Variants in SEZ6L observed in about 807,000 individuals in gnomAD.
SEZ6L encodes the protein seizure 6-like protein.
A neutral mutation model predicts 106.2 loss-of-function variants in SEZ6L; 37 were observed. That is an observed-to-expected ratio of 0.35 (90% CI 0.27 to 0.46). SEZ6L has a LOEUF of 0.46. Ranked by LOEUF, SEZ6L falls within the 20% of genes least tolerant of loss-of-function variation. The pLI is 1.00. For synonymous variants in SEZ6L, 541 were observed against 570.4 expected, an observed-to-expected ratio of 0.95 and a Z score of 0.73; for missense variants, 1,172 against 1,332.8, an observed-to-expected ratio of 0.88 and a Z score of 1.88.
intron 13 of SEZ6L, among the ~76,000 whole-genome samples, chr22:26,367,667 T>C (rs748631514): frequency 9.2e-5 from 14 of 152,108 alleles, no homozygotes; most frequent in Non-Finnish European, 1.9e-4. Flanking sequence ...AGAACCCTGC[T>C]TAATTATTTC....
chr22:26,192,176 G>C lies in SEZ6L; in HGVS notation c.94+22413G>C, dbSNP rs116975950. On this transcript the variant is annotated intron_variant, in intron 1 of 16. Coordinates refer to ENST00000248933, the MANE Select transcript of SEZ6L (RefSeq NM_021115.5). ...CATTTATCAATGCATCCTTTTATCTGTCCACTCATCCACCTGTTGATGAAT... is the reference window on the plus strand; with the variant it reads ...CATTTATCAATGCATCCTTTTATCTCTCCACTCATCCACCTGTTGATGAAT... 5.7e-3 allele frequency among the ~76,000 whole-genome samples: 863 copies of C among 152,016 alleles called. 4 individuals carry two copies. Among genetic ancestry groups the C allele is most frequent in the Non-Finnish European group, 8.4e-3 (570 of 67,974 alleles).
intron 1 of SEZ6L, among the ~76,000 whole-genome samples, chr22:26,199,737 C>T (rs1026444641): frequency 6.6e-6 from 1 of 152,188 alleles, no homozygotes; most frequent in Admixed American, 6.5e-5. Context: ...GTTATACTCT[C>T]AGCAAATGGG....
At position 26,320,749 on chromosome 22, in the gene SEZ6L, A is replaced by G. The variant is rs150809159; in HGVS notation, c.2015+6847A>G. Among the ~76,000 whole-genome samples the G allele has an allele frequency of 1.8e-4, 27 of 152,100 alleles. 1 individual carries two copies. The highest frequency in any genetic ancestry group is 1.6e-3 in the Admixed American group (24 of 15,274). ...GGGAGAAGCTTTCCTGAGAACAGTAAAGTCTAAGTCAGTTTTTCTCAACCA... is the reference window on the plus strand; with the variant it reads ...GGGAGAAGCTTTCCTGAGAACAGTAGAGTCTAAGTCAGTTTTTCTCAACCA... On this transcript the variant is annotated intron_variant, in intron 9 of 16. Coordinates refer to ENST00000248933, the MANE Select transcript of SEZ6L (RefSeq NM_021115.5).
At chr22:26,178,559 A>G (rs1217911232) in intron 1 of SEZ6L, among the ~76,000 whole-genome samples, 1 of 152,122 alleles carries the variant, frequency 6.6e-6, no homozygotes, top group Non-Finnish European at 1.5e-5. Context: ...ACAGTATAGC[A>G]CCTGGGGTCT....
intron 1 of SEZ6L, among the ~76,000 whole-genome samples, chr22:26,246,597 C>T (rs150480795): frequency 2.8e-4 from 43 of 152,066 alleles, no homozygotes; most frequent in African/African-American, 1.0e-3. Flanking sequence ...TTTCCAAGTA[C>T]GAAAGTACAA....
intron 9 of SEZ6L, among the ~76,000 whole-genome samples, chr22:26,339,793 C>T (rs1314495147): frequency 6.6e-6 from 1 of 152,172 alleles, no homozygotes; most frequent in Non-Finnish European, 1.5e-5. Flanking sequence ...ATAGCCCCAG[C>T]CTGTAGCCTG....
At chr22:26,252,591 G>A (rs1271638117) in intron 1 of SEZ6L, among the ~76,000 whole-genome samples, 5 of 152,190 alleles carry the variant, frequency 3.3e-5, no homozygotes, top group South Asian at 4.1e-4. Flanking sequence ...CCCTCTAGTA[G>A]CCCCACTGTC....
chr22:26,349,677 A>T lies in SEZ6L; in HGVS notation c.2408-1375A>T, dbSNP rs1449716089. ...AACCACACCCAGCTAATTTTTAAAA[A>T]TTTTTTGTAGAGACAGGGGTCTTGC... On this transcript the variant is annotated intron_variant, in intron 11 of 16. Transcript: ENST00000248933. Among the ~76,000 whole-genome samples the T allele has an allele frequency of 5.9e-5, 9 of 152,094 alleles. No homozygotes were observed. In the South Asian group the frequency reaches 1.2e-3, roughly 21 times the overall value.
intron 1 of SEZ6L, among the ~76,000 whole-genome samples, chr22:26,224,732 CT>C (rs2078586460): frequency 6.6e-6 from 1 of 152,102 alleles, no homozygotes; most frequent in Non-Finnish European, 1.5e-5. Context: ...AATAGACTGG[CT>C]GTGGAGGGTA....
chr22:26,241,606 A>G (rs1374658217), intron 1 of SEZ6L, among the ~76,000 whole-genome samples: 1 of 152,218 alleles, frequency 6.6e-6, no homozygotes, highest in Non-Finnish European at 1.5e-5. Context: ...AAATTGACAC[A>G]GAGGCAATCC....
intron 12 of SEZ6L, among the ~76,000 whole-genome samples, chr22:26,354,426 G>A (rs1258735981): frequency 1.3e-5 from 2 of 152,146 alleles, no homozygotes; most frequent in Non-Finnish European, 2.9e-5. Flanking sequence ...AGGGAGTGTG[G>A]CCCTGCTGAC....
At chr22:26,219,433 G>T (rs965134593) in intron 1 of SEZ6L, among the ~76,000 whole-genome samples, 16 of 151,920 alleles carry the variant, frequency 1.1e-4, no homozygotes, top group East Asian at 3.9e-4. Flanking sequence ...AAAGAATCAA[G>T]AAATTAGAAA....
chr22:26,334,361 A>G (rs1233823084), intron 9 of SEZ6L, among the ~76,000 whole-genome samples: 1 of 152,180 alleles, frequency 6.6e-6, no homozygotes, highest in African/African-American at 2.4e-5. Context: ...GATATTCCTT[A>G]TAAATGGAGT....
At chr22:26,298,931 C>G in intron 4 of SEZ6L, 53 bp from the exon 5 acceptor site, 1 of 1,489,866 alleles carries the variant, frequency 6.7e-7, no homozygotes, top group Non-Finnish European at 9.0e-7. Flanking sequence ...GGGTCAGGTT[C>G]TTGATCTGCC....
chr22:26,318,183 C>T lies in SEZ6L; in HGVS notation c.2015+4281C>T, dbSNP rs142908966. ...CCGATTCCTGGGTTCAAGCGATTCT[C>T]CTGCCTCAGCCTCATGAGTAGTTGG... is the stretch of plus-strand genomic sequence containing the variant. On this transcript the variant is annotated intron_variant, in intron 9 of 16. Transcript: ENST00000248933. Among the ~76,000 whole-genome samples, 693 of 152,134 alleles carry T rather than the reference C, an allele frequency of 4.6e-3. 6 individuals are homozygous for T. Among genetic ancestry groups the T allele is most frequent in the African/African-American group, 0.016 (648 of 41,460 alleles).
chr22:26,298,988 C>T lies in SEZ6L; in HGVS notation c.1167C>T (p.Phe389=), dbSNP rs1176596882. Residue 389 remains phenylalanine, a synonymous_variant, in exon 5 of 17, where the codon TTC becomes TTT. Coordinates refer to ENST00000248933, the MANE Select transcript of SEZ6L (RefSeq NM_021115.5). The stretch of plus-strand genomic sequence containing the variant: ...TGCCTCTGCATTTCTTCCCAGCCTT[C>T]ATGCTGAGCTGCAACTTTCCCCGCC... ...LGTFQLHYQA[F]MLSCNFPRRP... 6.4e-7 allele frequency: 1 copy of T among 1,571,580 alleles called. No individual in the cohort carries two copies. The highest frequency in any genetic ancestry group is 1.4e-5 in the African/African-American group (1 of 73,162).
chr22:26,272,000 A>G (rs1013411759), intron 1 of SEZ6L, among the ~76,000 whole-genome samples: 6 of 152,250 alleles, frequency 3.9e-5, no homozygotes, highest in African/African-American at 1.4e-4. Context: ...GTGAGAAACA[A>G]GGAATGAACT....
intron 1 of SEZ6L, among the ~76,000 whole-genome samples, chr22:26,262,540 C>T (rs927223409): frequency 1.2e-4 from 18 of 152,146 alleles, no homozygotes; most frequent in African/African-American, 3.6e-4. Context: ...GTTTTATAAA[C>T]GCAAATACCA....
chr22:26,277,411 A>T (rs2080585555), intron 1 of SEZ6L, among the ~76,000 whole-genome samples: 1 of 152,198 alleles, frequency 6.6e-6, no homozygotes, highest in East Asian at 1.9e-4. Context: ...TAGGGTGGCA[A>T]AAATCCCTGC....
Sources: allele counts gnomAD v4.1 joint callset (sites outside exome capture counted in the v4.1 genomes callset), GRCh38; gene constraint gnomAD v4.1.1; transcripts MANE v1.5; gene names NCBI Gene and HGNC (gene_info 2026-07-23, HGNC 2026-07-21).